The following DEPDC4 variants were observed in gnomAD, a reference collection of about 807,000 sequenced individuals.
The protein encoded by DEPDC4 is DEP domain containing 4.
Under a neutral mutation model 52.0 loss-of-function variants are expected in DEPDC4, and 52 were observed. The ratio of observed to expected loss-of-function variants is 1.00; its 90% confidence interval spans 0.80 to 1.26. The LOEUF (loss-of-function observed/expected upper bound fraction) is 1.26. Among genes scored for constraint, DEPDC4 ranks in the 50% most tolerant of loss-of-function variants. The pLI, the probability that DEPDC4 is intolerant of heterozygous loss-of-function variation, is 0.00. For missense variants in DEPDC4, 530 were observed against 546.9 expected, an observed-to-expected ratio of 0.97 and a Z score of 0.31; for synonymous variants, 201 against 196.8, an observed-to-expected ratio of 1.02 and a Z score of -0.18.
intron 1 of DEPDC4, 139 bp downstream of exon 1, chr12:100,266,781 G>C (rs1206486756): frequency 8.4e-7 from 1 of 1,190,306 alleles, no homozygotes; most frequent in Admixed American, 2.4e-5. Context: ...CCAGTCCAGT[G>C]CCTGGTAGGG....
In DEPDC4 at chr12:100,252,356, C is replaced by CA. The variant is rs66721214; in HGVS notation, c.1248+37dup. 484 of 1,500,690 alleles carry CA rather than the reference C, an allele frequency of 3.2e-4. No homozygotes were observed. The East Asian group carries it at 4.0e-3, about 12-fold the overall frequency. 93.0% of individuals were successfully genotyped at this position (1,500,690 alleles called of 1,614,324 possible). A position where few individuals can be genotyped will look rare whatever the true frequency, so the allele number is the denominator to read the frequency against. ...AATGGTTTTTAGAGGAAAAAAATAG[C>CA]AAAAAAAAATGGCAAAACTTATTGC... On this transcript the variant is annotated intron_variant, in intron 6 of 9. Transcript: ENST00000550587.
intron 1 of DEPDC4, among the ~76,000 whole-genome samples, chr12:100,264,759 C>G (rs1330430704): frequency 6.6e-6 from 1 of 151,992 alleles, no homozygotes; most frequent in Non-Finnish European, 1.5e-5. Flanking sequence ...ACCCAATTAT[C>G]TAAATTATGA....
downstream of DEPDC4, among the ~76,000 whole-genome samples, chr12:100,238,797 T>C (rs959695265): frequency 2.6e-5 from 4 of 152,208 alleles, no homozygotes; most frequent in Admixed American, 1.3e-4. Context: ...AATGCTCTTA[T>C]GTTAATATAA....
the DEPDC4 span, among the ~76,000 whole-genome samples, chr12:100,281,794 A>G: frequency 2.1e-4 from 31 of 151,146 alleles, no homozygotes; most frequent in Non-Finnish European, 3.7e-4. Context: ...AGTTCATGCC[A>G]CTGCACTCCA....
chr12:100,259,037 C>T (rs2096244330), intron 3 of DEPDC4, among the ~76,000 whole-genome samples: 1 of 151,030 alleles, frequency 6.6e-6, no homozygotes, highest in Non-Finnish European at 1.5e-5. Flanking sequence ...CACCACTGCA[C>T]TCCAGCCTGG....
chr12:100,244,583 G>A, intron 8 of DEPDC4, among the ~76,000 whole-genome samples: 1 of 151,736 alleles, frequency 6.6e-6, no homozygotes, highest in Non-Finnish European at 1.5e-5. Flanking sequence ...CGATCCTCCT[G>A]CCTCATCCTG....
At position 100,252,115 on chromosome 12, in the gene DEPDC4, C is replaced by G. The variant is rs545413036; in HGVS notation, c.1374+61G>C. On this transcript the variant is annotated intron_variant, in intron 7 of 9. Coordinates refer to ENST00000550587, the MANE Select transcript of DEPDC4 (RefSeq NM_001364818.2). ...AATTATTTACTAAGTGAATGATTTG[C>G]TTTTCTGCTTGACACAAGTAGCTTA... is the stretch of plus-strand genomic sequence containing the variant. 473 of 1,107,320 alleles carry G rather than the reference C, an allele frequency of 4.3e-4. 4 individuals are homozygous for G. Among genetic ancestry groups the G allele is most frequent in the Non-Finnish European group, 1.3e-4 (115 of 902,444 alleles). 68.6% of individuals were successfully genotyped at this position (1,107,320 alleles called of 1,614,324 possible). A position where few individuals can be genotyped will look rare whatever the true frequency, so the allele number is the denominator to read the frequency against.
intron 4 of DEPDC4, among the ~76,000 whole-genome samples, chr12:100,254,057 T>C (rs1359387732): frequency 1.3e-5 from 2 of 152,174 alleles, no homozygotes; most frequent in Admixed American, 6.5e-5. Flanking sequence ...GGTTCTATTA[T>C]TATTTGAAAA....
At chr12:100,251,446 G>C (rs939812837) in intron 7 of DEPDC4, among the ~76,000 whole-genome samples, 7 of 151,972 alleles carry the variant, frequency 4.6e-5, no homozygotes, top group African/African-American at 1.7e-4. Flanking sequence ...TTTGAGACAG[G>C]GTCTCACTCT....
chr12:100,277,639 CT>C, the DEPDC4 span, among the ~76,000 whole-genome samples: 1 of 152,022 alleles, frequency 6.6e-6, no homozygotes, highest in African/African-American at 2.4e-5. Context: ...TTAGGTCTTG[CT>C]TTTTTATCCA....
At chr12:100,256,445 T>G (rs1010694899) in intron 3 of DEPDC4, among the ~76,000 whole-genome samples, 5 of 152,174 alleles carry the variant, frequency 3.3e-5, no homozygotes, top group African/African-American at 1.2e-4. Flanking sequence ...TTAATTTTAT[T>G]TTCTGTTATG....
chr12:100,263,597 C>A lies in DEPDC4; in HGVS notation c.454G>T (p.Asp152Tyr), dbSNP rs1411521894. The A allele has an allele frequency of 6.2e-7, 1 of 1,614,058 alleles. No homozygotes were observed. ...FKKEKELEFE[D>Y]SNISLYRFLG... ...AACCTGTAGAGACTAATGTTGGAATCTTCAAATTCTAATTCCTTTTCTTTT... is the reference window on the plus strand; with the variant it reads ...AACCTGTAGAGACTAATGTTGGAATATTCAAATTCTAATTCCTTTTCTTTT... Residue 152 changes from aspartate to tyrosine, a missense_variant, in exon 2 of 10, where the codon GAT becomes TAT. Asp to Tyr is a radical substitution (Grantham distance 160, BLOSUM62 -3). Coordinates refer to ENST00000550587, the MANE Select transcript of DEPDC4 (RefSeq NM_001364818.2).
At chr12:100,234,259 G>C (rs2096138242) in intron 9 of DEPDC4, among the ~76,000 whole-genome samples, 3 of 152,196 alleles carry the variant, frequency 2.0e-5, no homozygotes, top group Admixed American at 2.0e-4. Flanking sequence ...TGCAGTCAGA[G>C]AGAGATACTA....
chr12:100,239,043 T>C (rs568956918), downstream of DEPDC4, among the ~76,000 whole-genome samples: 1 of 152,278 alleles, frequency 6.6e-6, no homozygotes, highest in Admixed American at 6.5e-5. Flanking sequence ...TTTGGCCCTT[T>C]GAAACCTTTT....
intron 5 of DEPDC4, among the ~76,000 whole-genome samples, chr12:100,252,738 T>C (rs75639504): frequency 6.6e-6 from 1 of 152,268 alleles, no homozygotes; most frequent in Admixed American, 6.5e-5. Context: ...GATGTAGCTA[T>C]ATCCAGCATT....
chr12:100,266,548 C>A (rs2096274257), intron 1 of DEPDC4, among the ~76,000 whole-genome samples: 1 of 152,198 alleles, frequency 6.6e-6, no homozygotes, highest in Non-Finnish European at 1.5e-5. Context: ...AGTACATTAA[C>A]CCCTTGTTGC....
chr12:100,269,688 A>G (rs2135781254), upstream of DEPDC4, among the ~76,000 whole-genome samples: 1 of 152,294 alleles, frequency 6.6e-6, no homozygotes, highest in South Asian at 2.1e-4. Flanking sequence ...TCTAGTAAAT[A>G]TTAGAATTGG....
the DEPDC4 span, among the ~76,000 whole-genome samples, chr12:100,274,634 T>G: frequency 6.6e-6 from 1 of 152,162 alleles, no homozygotes; most frequent in African/African-American, 2.4e-5. Flanking sequence ...CCCACAAAAT[T>G]TTTTTACACC....
the DEPDC4 span, among the ~76,000 whole-genome samples, chr12:100,276,991 T>C: frequency 1.4e-3 from 215 of 152,258 alleles, no homozygotes; most frequent in African/African-American, 4.8e-3. Context: ...TGATTTCTTT[T>C]TTAGCCCTTG....
Sources: allele counts gnomAD v4.1 joint callset (sites outside exome capture counted in the v4.1 genomes callset), GRCh38; gene constraint gnomAD v4.1.1; transcripts MANE v1.5; gene names NCBI Gene and HGNC (gene_info 2026-07-23, HGNC 2026-07-21).